Variants in CSRNP3 observed in about 807,000 individuals in gnomAD.
CSRNP3 encodes the protein cysteine/serine-rich nuclear protein 3.
In CSRNP3, 12 loss-of-function variants were observed where a neutral mutation model predicts 48.0. That is an observed-to-expected ratio of 0.25 (90% CI 0.16 to 0.41). The LOEUF (loss-of-function observed/expected upper bound fraction) is 0.41. Ranked by LOEUF, CSRNP3 falls within the 10% of genes least tolerant of loss-of-function variation. The pLI is 1.00. For missense variants in CSRNP3, 580 were observed against 724.4 expected, an observed-to-expected ratio of 0.80 and a Z score of 2.29; for synonymous variants, 263 against 269.7, an observed-to-expected ratio of 0.98 and a Z score of 0.24.
At position 165,591,563 on chromosome 2, in the gene CSRNP3, G is replaced by A. The variant is rs76929565; in HGVS notation, c.-23-3480G>A. On this transcript the variant is annotated intron_variant, in intron 3 of 6. Coordinates refer to ENST00000651982, the MANE Select transcript of CSRNP3 (RefSeq NM_001172173.2). ...CTAGGAGGAAAAAATGGTTTCCTGC[G>A]GTGGGCCCAGGGACCCCCTGTTCTG... Among the ~76,000 whole-genome samples, 408 of 152,252 alleles carry A rather than the reference G, an allele frequency of 2.7e-3. 2 individuals carry two copies. The highest frequency in any genetic ancestry group is 8.2e-3 in the African/African-American group (340 of 41,562).
chr2:165,666,361 AGG>A (rs1687201775), intron 5 of CSRNP3, among the ~76,000 whole-genome samples: 1 of 97,894 alleles, frequency 1.0e-5, no homozygotes, highest in Non-Finnish European at 2.2e-5. Context: ...GAAGGAAGGA[AGG>A]AAAGAGAGAG....
chr2:165,517,263 C>T (rs1684594244), intron 2 of CSRNP3, among the ~76,000 whole-genome samples: 1 of 151,880 alleles, frequency 6.6e-6, no homozygotes, highest in South Asian at 2.1e-4. Context: ...CTTCTAATTA[C>T]GGCACTGTAA....
intron 1 of CSRNP3, among the ~76,000 whole-genome samples, chr2:165,483,571 A>G (rs1297509085): frequency 1.3e-5 from 2 of 152,214 alleles, no homozygotes; most frequent in African/African-American, 4.8e-5. Flanking sequence ...TCAAACTGTG[A>G]TTATTCTATG....
intron 3 of CSRNP3, among the ~76,000 whole-genome samples, chr2:165,545,833 C>G (rs779131594): frequency 6.6e-6 from 1 of 151,940 alleles, no homozygotes; most frequent in Non-Finnish European, 1.5e-5. Flanking sequence ...CATTGCTGAT[C>G]TTAAAGAGAG....
intron 2 of CSRNP3, among the ~76,000 whole-genome samples, chr2:165,511,164 T>C (rs1445932793): frequency 6.6e-6 from 1 of 152,208 alleles, no homozygotes; most frequent in Non-Finnish European, 1.5e-5. Context: ...AGTTCACTGC[T>C]GACCTCGATA....
At chr2:165,588,576 C>T (rs972220288) in intron 3 of CSRNP3, among the ~76,000 whole-genome samples, 2 of 152,202 alleles carry the variant, frequency 1.3e-5, no homozygotes, top group African/African-American at 4.8e-5. Context: ...CTGTTTTCTA[C>T]ACTTAGACTT....
chr2:165,607,957 C>T (rs1159422547), intron 4 of CSRNP3, among the ~76,000 whole-genome samples: 1 of 151,404 alleles, frequency 6.6e-6, no homozygotes. Flanking sequence ...TCCCTCTTCC[C>T]TCCAAATATA....
chr2:165,536,571 G>T (rs1684884838), intron 3 of CSRNP3, among the ~76,000 whole-genome samples: 1 of 151,860 alleles, frequency 6.6e-6, no homozygotes, highest in Admixed American at 6.6e-5. Context: ...TCTTCTGGGT[G>T]TTTATTGACC....
chr2:165,595,040 C>T lies in CSRNP3; in HGVS notation c.-23-3C>T, dbSNP rs764917749. 3 of 1,612,276 alleles carry T rather than the reference C, an allele frequency of 1.9e-6. No individual in the cohort carries two copies. The South Asian group carries it at 3.3e-5, about 18-fold the overall frequency. ...TGCTCTGTTGCTCTCCTTCCTGTTA[C>T]AGGTACATGTGACAGCACTGCAGCG... On this transcript the variant is annotated splice_polypyrimidine_tract_variant and splice_region_variant and intron_variant, in intron 3 of 6. Coordinates refer to ENST00000651982, the MANE Select transcript of CSRNP3 (RefSeq NM_001172173.2).
intron 4 of CSRNP3, among the ~76,000 whole-genome samples, chr2:165,650,340 C>G (rs1416623747): frequency 2.0e-5 from 3 of 152,146 alleles, no homozygotes; most frequent in African/African-American, 7.2e-5. Flanking sequence ...TTCTTAGTTG[C>G]TAGACCCATT....
At chr2:165,590,638 G>A (rs1347742020) in intron 3 of CSRNP3, among the ~76,000 whole-genome samples, 1 of 152,126 alleles carries the variant, frequency 6.6e-6, no homozygotes, top group Non-Finnish European at 1.5e-5. Flanking sequence ...TTACCTTCAT[G>A]CTGTTCTTGT....
At chr2:165,625,891 A>G (rs1686424971) in intron 4 of CSRNP3, among the ~76,000 whole-genome samples, 1 of 145,304 alleles carries the variant, frequency 6.9e-6, no homozygotes, top group African/African-American at 2.6e-5. Flanking sequence ...AGATCACACC[A>G]CTGCACTCCA....
chr2:165,533,351 C>A (rs1239743021), intron 3 of CSRNP3, among the ~76,000 whole-genome samples: 1 of 152,104 alleles, frequency 6.6e-6, no homozygotes, highest in Non-Finnish European at 1.5e-5. Context: ...TAATCGTTTT[C>A]ACCCTCCAAT....
At chr2:165,661,747 G>A (rs1384160090) in intron 5 of CSRNP3, among the ~76,000 whole-genome samples, 5 of 152,164 alleles carry the variant, frequency 3.3e-5, no homozygotes, top group Non-Finnish European at 5.9e-5. Flanking sequence ...CTGTGAGTTG[G>A]CCTGAGTTGG....
At chr2:165,619,188 A>T (rs1378518125) in intron 4 of CSRNP3, among the ~76,000 whole-genome samples, 1 of 152,192 alleles carries the variant, frequency 6.6e-6, no homozygotes, top group South Asian at 2.1e-4. Context: ...TTAGGTAAAT[A>T]CTTTTACCTA....
At chr2:165,560,393 T>C (rs897938042) in intron 3 of CSRNP3, among the ~76,000 whole-genome samples, 1 of 152,212 alleles carries the variant, frequency 6.6e-6, no homozygotes, top group African/African-American at 2.4e-5. Flanking sequence ...GATTAGTTAC[T>C]ACCTTTTGCT....
intron 3 of CSRNP3, chr2:165,574,384 T>C (rs1206742076): frequency 6.5e-7 from 1 of 1,549,996 alleles, no homozygotes; most frequent in Non-Finnish European, 8.7e-7. Flanking sequence ...TTTCTGAGAG[T>C]GAAGATTTTA....
intron 1 of CSRNP3, among the ~76,000 whole-genome samples, chr2:165,475,009 T>C (rs1051529834): frequency 1.3e-5 from 2 of 152,180 alleles, no homozygotes; most frequent in African/African-American, 4.8e-5. Flanking sequence ...ATGAAACAAA[T>C]AGTTTCCTAA....
intron 4 of CSRNP3, among the ~76,000 whole-genome samples, chr2:165,600,391 C>T (rs1371977911): frequency 2.6e-5 from 4 of 151,908 alleles, no homozygotes; most frequent in African/African-American, 9.7e-5. Flanking sequence ...CTGCAATAAA[C>T]GTACGTGTGC....
Sources: gnomAD v4.1 joint callset for allele counts (sites outside exome capture counted in the v4.1 genomes callset) on GRCh38, gnomAD v4.1.1 for gene constraint, MANE v1.5 for transcripts, NCBI Gene and HGNC (gene_info 2026-07-23, HGNC 2026-07-21) for gene names.